Variants in IFT56 observed in about 807,000 individuals in gnomAD.
IFT56 encodes intraflagellar transport 56, also known as intraflagellar transport protein 56.
the IFT56 span, chr7:139,189,336 AG>A: frequency 6.2e-7 from 1 of 1,609,130 alleles, no homozygotes; most frequent in East Asian, 2.2e-5. Context: ...CCCTTCGAGA[AG>A]TGCTCCATTT....
chr7:139,143,016 T>C, the IFT56 span, among the ~76,000 whole-genome samples: 5 of 152,080 alleles, frequency 3.3e-5, no homozygotes, highest in Non-Finnish European at 7.4e-5. Context: ...TAAATAATTG[T>C]TTAATTTATT....
At chr7:139,189,193 C>A in the IFT56 span, 1 of 624,570 alleles carries the variant, frequency 1.6e-6, no homozygotes, top group South Asian at 2.2e-5. Context: ...TGTGAATACA[C>A]AGTGAAAGAG....
At chr7:139,169,132 G>T in the IFT56 span, among the ~76,000 whole-genome samples, 1 of 152,062 alleles carries the variant, frequency 6.6e-6, no homozygotes, top group Non-Finnish European at 1.5e-5. Flanking sequence ...ATTCAGTTTC[G>T]GGTCTAGTTG....
At chr7:139,164,442 G>C in the IFT56 span, among the ~76,000 whole-genome samples, 1 of 152,142 alleles carries the variant, frequency 6.6e-6, no homozygotes, top group African/African-American at 2.4e-5. Context: ...CAGTTCTTAT[G>C]AAGAGGAAAA....
At chr7:139,133,830 G>A in the IFT56 span, 4 of 1,614,206 alleles carry the variant, frequency 2.5e-6, no homozygotes, top group Admixed American at 1.7e-5. Flanking sequence ...TTCGCTGTGT[G>A]GTGGGGACTC....
At chr7:139,134,688 G>A in the IFT56 span, 2 of 1,613,738 alleles carry the variant, frequency 1.2e-6, no homozygotes, top group Admixed American at 1.7e-5. Context: ...TGTAGGCAGA[G>A]GCGTACAGCA....
chr7:139,137,442 G>A, the IFT56 span, among the ~76,000 whole-genome samples: 2 of 152,186 alleles, frequency 1.3e-5, no homozygotes, highest in African/African-American at 2.4e-5. Context: ...GTGACAACAC[G>A]GGCTTTGGAG....
the IFT56 span, chr7:139,181,218 A>T: frequency 1.9e-5 from 30 of 1,547,168 alleles, no homozygotes; most frequent in African/African-American, 4.0e-4. Context: ...ACTGAGACTA[A>T]AGGGAACATT....
At chr7:139,173,225 C>CTTT in the IFT56 span, 645 of 295,190 alleles carry the variant, frequency 2.2e-3, no homozygotes, top group South Asian at 5.4e-3. Context: ...ACAAAGTCAC[C>CTTT]TTTTTTTTTT....
the IFT56 span, among the ~76,000 whole-genome samples, chr7:139,186,541 A>G: frequency 6.6e-6 from 1 of 152,230 alleles, no homozygotes; most frequent in African/African-American, 2.4e-5. Context: ...ACATTTGGGA[A>G]AAATGTCTGT....
At chr7:139,178,397 G>C in the IFT56 span, 2 of 1,405,404 alleles carry the variant, frequency 1.4e-6, no homozygotes, top group Non-Finnish European at 2.0e-6. Context: ...CATTTTCTGT[G>C]GTGGCATTAG....
the IFT56 span, chr7:139,168,250 T>C: frequency 1.4e-6 from 1 of 735,922 alleles, no homozygotes. Flanking sequence ...TCTTTGATAC[T>C]TTATATAAAG....
chr7:139,155,350 T>C, the IFT56 span, among the ~76,000 whole-genome samples: 7 of 152,202 alleles, frequency 4.6e-5, no homozygotes, highest in East Asian at 1.9e-4. Flanking sequence ...CAATGTTGAA[T>C]AGAAGTGCTG....
the IFT56 span, among the ~76,000 whole-genome samples, chr7:139,141,591 A>C: frequency 6.6e-6 from 1 of 152,230 alleles, no homozygotes; most frequent in South Asian, 2.1e-4. Flanking sequence ...TGTGGTAGCT[A>C]TCTCTATTTC....
chr7:139,147,863 C>T, the IFT56 span, among the ~76,000 whole-genome samples: 35 of 152,322 alleles, frequency 2.3e-4, 1 homozygote, highest in Admixed American at 1.2e-3. Flanking sequence ...TTCTTAGTCT[C>T]CTACCTGCTT....
chr7:139,184,263 GT>G, the IFT56 span, among the ~76,000 whole-genome samples: 9 of 152,224 alleles, frequency 5.9e-5, no homozygotes, highest in South Asian at 1.7e-3. Flanking sequence ...GTAAGAAAAC[GT>G]TTCATATCCT....
the IFT56 span, among the ~76,000 whole-genome samples, chr7:139,151,204 C>G: frequency 6.6e-6 from 1 of 152,118 alleles, no homozygotes; most frequent in Admixed American, 6.5e-5. Flanking sequence ...CCTACATTGC[C>G]ATATCTGATT....
chr7:139,156,786 A>G, the IFT56 span, among the ~76,000 whole-genome samples: 2 of 152,144 alleles, frequency 1.3e-5, no homozygotes, highest in African/African-American at 4.8e-5. Context: ...GTGTTTAGAT[A>G]TGTCTGCTTC....
chr7:139,175,990 G>A, the IFT56 span, among the ~76,000 whole-genome samples: 6 of 151,494 alleles, frequency 4.0e-5, no homozygotes, highest in Admixed American at 2.0e-4. Context: ...CACCACGCCC[G>A]GTATTTTTAG....
Sources: gnomAD v4.1 joint callset for allele counts (sites outside exome capture counted in the v4.1 genomes callset) on GRCh38, gnomAD v4.1.1 for gene constraint, MANE v1.5 for transcripts, NCBI Gene and HGNC (gene_info 2026-07-23, HGNC 2026-07-21) for gene names.